OCA2: variants seen among roughly 807,000 people sequenced by gnomAD.
The protein encoded by OCA2 is OCA2 melanosomal transmembrane protein.
A neutral mutation model predicts 100.2 loss-of-function variants in OCA2; 77 were observed. The observed-to-expected ratio is 0.77, with a 90% CI of 0.64 to 0.93. OCA2 has a LOEUF of 0.93. Among genes scored for constraint, OCA2 ranks in the 40% least tolerant of loss-of-function variants. The pLI is 0.00. For missense variants in OCA2, 1,062 were observed against 1,089.1 expected (o/e 0.98, Z 0.35); for synonymous variants, 432 against 439.2 (o/e 0.98, Z 0.21).
At chr15:28,051,622 T>C (rs571991870) in intron 2 of OCA2, among the ~76,000 whole-genome samples, 1 of 127,542 alleles carries the variant, frequency 7.8e-6, no homozygotes, top group Non-Finnish European at 1.5e-5. Context: ...TTTTTTTTTT[T>C]AATAGACACA....
intron 23 of OCA2, among the ~76,000 whole-genome samples, chr15:27,830,818 G>A (rs1297609516): frequency 6.6e-6 from 1 of 152,136 alleles, no homozygotes; most frequent in African/African-American, 2.4e-5. Flanking sequence ...CTGGAAGACT[G>A]GTTAACAATC....
intron 19 of OCA2, among the ~76,000 whole-genome samples, chr15:27,920,522 A>AGT (rs1652445266): frequency 6.6e-6 from 1 of 152,160 alleles, no homozygotes; most frequent in Admixed American, 6.6e-5. Context: ...AATAAAGGAA[A>AGT]GTGTGACCCC....
intron 18 of OCA2, among the ~76,000 whole-genome samples, chr15:27,932,190 G>T (rs1054742913): frequency 6.6e-6 from 1 of 152,206 alleles, no homozygotes; most frequent in Non-Finnish European, 1.5e-5. Flanking sequence ...CCTGCTCCCT[G>T]GTTCAGGTAG....
chr15:28,021,108 T>G (rs1405667881), intron 6 of OCA2, among the ~76,000 whole-genome samples: 2 of 152,182 alleles, frequency 1.3e-5, no homozygotes, highest in Admixed American at 6.5e-5. Flanking sequence ...GCTAACTGAA[T>G]TAATTCCTTT....
chr15:27,943,692 C>T (rs1334248868), intron 18 of OCA2, among the ~76,000 whole-genome samples: 1 of 134,562 alleles, frequency 7.4e-6, no homozygotes, highest in African/African-American at 2.6e-5. Context: ...AAAAAAAAAA[C>T]CTTGGTCTCT....
At chr15:27,925,750 G>A (rs186479258) in intron 19 of OCA2, among the ~76,000 whole-genome samples, 5 of 152,158 alleles carry the variant, frequency 3.3e-5, no homozygotes, top group East Asian at 1.9e-4. Flanking sequence ...CCGTGATAAC[G>A]GAAATGTTAC....
intron 23 of OCA2, among the ~76,000 whole-genome samples, chr15:27,839,653 C>A (rs2035275837): frequency 7.0e-6 from 1 of 143,370 alleles, no homozygotes; most frequent in African/African-American, 2.6e-5. Flanking sequence ...ACATAGTAAC[C>A]ACCTTTCAAA....
Position 27,958,792 on chromosome 15 carries a change from G to A in OCA2, c.1637-1057C>T, listed in dbSNP as rs1011282294. 5.3e-5 allele frequency among the ~76,000 whole-genome samples: 8 copies of A among 152,072 alleles called. 1 individual carries two copies. The highest frequency in any genetic ancestry group is 3.4e-3 in the Middle Eastern group (1 of 294). On this transcript the variant is annotated intron_variant, in intron 15 of 23. Coordinates refer to ENST00000354638, the MANE Select transcript of OCA2 (RefSeq NM_000275.3). ...AATATTTTCATGAACCATCCCTTAC[G>A]TGCAATACTCCACACTGCCTATAGC... is the stretch of plus-strand genomic sequence containing the variant.
chr15:27,735,029 T>C, the OCA2 span, among the ~76,000 whole-genome samples: 1 of 151,968 alleles, frequency 6.6e-6, no homozygotes, highest in Non-Finnish European at 1.5e-5. Flanking sequence ...TGAAGATATA[T>C]GAACTACCTA....
chr15:27,843,384 T>C (rs1045808158), intron 23 of OCA2, among the ~76,000 whole-genome samples: 6 of 152,142 alleles, frequency 3.9e-5, no homozygotes, highest in Non-Finnish European at 7.4e-5. Flanking sequence ...TCACTGACCA[T>C]AGGGCAAAGA....
chr15:27,816,357 TCCACTCTTA>T (rs1207536118), intron 23 of OCA2, among the ~76,000 whole-genome samples: 1 of 152,130 alleles, frequency 6.6e-6, no homozygotes, highest in Non-Finnish European at 1.5e-5. Context: ...CCCTGAGCAA[TCCACTCTTA>T]CCCAGGTAAA....
At chr15:27,824,329 T>C (rs1219386042) in intron 23 of OCA2, among the ~76,000 whole-genome samples, 6 of 151,782 alleles carry the variant, frequency 4.0e-5, no homozygotes, top group South Asian at 2.1e-4. Context: ...GATGGTGCCA[T>C]TGCACTCCTG....
chr15:27,962,806 G>A (rs138797091), intron 15 of OCA2, among the ~76,000 whole-genome samples: 166 of 152,154 alleles, frequency 1.1e-3, no homozygotes, highest in African/African-American at 1.3e-3. Context: ...AAATTCAATC[G>A]CATCACTAAG....
At chr15:27,900,095 A>G (rs2037867058) in intron 19 of OCA2, among the ~76,000 whole-genome samples, 1 of 152,206 alleles carries the variant, frequency 6.6e-6, no homozygotes, top group South Asian at 2.1e-4. Context: ...CCGTGCAGTC[A>G]ACAAAATAAG....
intron 22 of OCA2, among the ~76,000 whole-genome samples, chr15:27,851,057 T>A (rs980482857): frequency 2.6e-5 from 4 of 152,230 alleles, no homozygotes; most frequent in African/African-American, 9.6e-5. Flanking sequence ...GAACTGCAAC[T>A]GAGGATGGCT....
intron 14 of OCA2, among the ~76,000 whole-genome samples, chr15:27,981,192 G>A (rs2041149441): frequency 6.6e-6 from 1 of 152,062 alleles, no homozygotes; most frequent in Admixed American, 6.6e-5. Context: ...TTTGATGTGG[G>A]GCTTTTTTAA....
rs1345524898 is a variant in OCA2, at chr15:28,087,138, G to C, written c.-21-5243C>G. Among the ~76,000 whole-genome samples the C allele has an allele frequency of 2.6e-5, 4 of 152,032 alleles. No individual in the cohort carries two copies. The South Asian group carries it at 6.2e-4, about 24-fold the overall frequency. ...AGAAATCCACACCAACATATATAGTGGGCAAAATTTTAAAAATTAAAAGCA... is the reference window on the plus strand; with the variant it reads ...AGAAATCCACACCAACATATATAGTCGGCAAAATTTTAAAAATTAAAAGCA... On this transcript the variant is annotated intron_variant, in intron 1 of 23. Transcript: ENST00000354638.
chr15:27,849,818 G>T (rs1234686557), intron 22 of OCA2, among the ~76,000 whole-genome samples: 3 of 152,052 alleles, frequency 2.0e-5, no homozygotes, highest in Admixed American at 1.3e-4. Context: ...TACATTTTAG[G>T]TTACACATAT....
intron 21 of OCA2, among the ~76,000 whole-genome samples, chr15:27,862,694 C>T (rs1000500814): frequency 5.9e-5 from 9 of 151,958 alleles, no homozygotes; most frequent in African/African-American, 2.2e-4. Context: ...AGGCTGGTAC[C>T]GAACTCTTGA....
Sources: allele counts gnomAD v4.1 joint callset (sites outside exome capture counted in the v4.1 genomes callset), GRCh38; gene constraint gnomAD v4.1.1; transcripts MANE v1.5; gene names NCBI Gene and HGNC (gene_info 2026-07-23, HGNC 2026-07-21).